Variants in GDPD3 observed in about 807,000 individuals in gnomAD.
GDPD3 encodes glycerophosphodiester phosphodiesterase domain containing 3.
GDPD3 carries 40 observed loss-of-function variants against 43.7 expected under a neutral mutation model. The ratio of observed to expected loss-of-function variants is 0.91; its 90% CI spans 0.71 to 1.19. The LOEUF (loss-of-function observed/expected upper bound fraction) is 1.19. GDPD3 is among the 50% of genes most tolerant of loss of function. GDPD3 has a pLI of 0.00. For missense variants in GDPD3, 363 were observed against 415.8 expected (o/e 0.87, Z 1.11); for synonymous variants, 145 against 162.9 (o/e 0.89, Z 0.84).
Position 30,111,412 on chromosome 16 carries a change from CAGA to C in GDPD3, c.680_682del (p.Phe227del), listed in dbSNP as rs776678992. On this transcript the variant is annotated inframe_deletion, in exon 7 of 10. Coordinates refer to ENST00000406256, the MANE Select transcript of GDPD3 (RefSeq NM_024307.3). ...CCTGTTGATGATGTTGGGCAGGAAG[CAGA>C]AGAAGAACTTCTCAGGGATTGGGAT... The C allele has an allele frequency of 3.2e-5, 51 of 1,613,800 alleles. No homozygotes were observed. The highest frequency in any genetic ancestry group is 3.3e-4 in the Middle Eastern group (2 of 6,082).
rs1177768987 is a variant in GDPD3 at position 30,111,535 on chromosome 16, G to A, written c.574-14C>T. 2 of 1,613,450 alleles carry A rather than the reference G, an allele frequency of 1.2e-6. No homozygotes were observed. The highest frequency in any genetic ancestry group is 1.7e-5 in the Admixed American group (1 of 59,942). ...CATCTCGGGGTTCTGGGGAGGCAAG[G>A]AGAGGCATGAGAATCTGTCTGCTCT... is the stretch of plus-strand genomic sequence containing the variant. On this transcript the variant is annotated splice_polypyrimidine_tract_variant and intron_variant, in intron 6 of 9. Transcript: ENST00000406256.
At chr16:30,106,040 G>A (rs2072858711) in intron 9 of GDPD3, among the ~76,000 whole-genome samples, 3 of 151,976 alleles carry the variant, frequency 2.0e-5, no homozygotes, top group Admixed American at 6.5e-5. Context: ...GAACCCAGGA[G>A]GTGGAGGTTG....
At chr16:30,110,605 C>G (rs1412350513) in intron 7 of GDPD3, 1 of 149,208 alleles carries the variant, frequency 6.7e-6, no homozygotes, top group Admixed American at 6.7e-5. Flanking sequence ...GGCCCAGGGG[C>G]TCAGGTATGT....
intron 9 of GDPD3, 83 bp from the exon 10 acceptor site, chr16:30,105,092 C>T: frequency 8.6e-7 from 1 of 1,163,516 alleles, no homozygotes; most frequent in Non-Finnish European, 1.2e-6. Flanking sequence ...TCTATGGAGA[C>T]TCCCCAGCAG....
chr16:30,108,476 T>G (rs772592660), intron 7 of GDPD3, 44 bp from the exon 8 acceptor site: 1 of 1,589,702 alleles, frequency 6.3e-7, no homozygotes, highest in Non-Finnish European at 8.6e-7. Flanking sequence ...GGGTCTCCCC[T>G]GTCCCAGAGG....
In GDPD3 at chr16:30,112,778, G is replaced by T; in HGVS notation, c.198C>A (p.Arg66=). 1 of 1,609,544 alleles carries T rather than the reference G, an allele frequency of 6.2e-7. No individual in the cohort carries two copies. The change falls in exon 3 of 10, where the codon CGC becomes CGA. Residue 66 remains arginine, a synonymous_variant. Coordinates refer to ENST00000406256, the MANE Select transcript of GDPD3 (RefSeq NM_024307.3). The surrounding 1 kb of genome is among the most constrained non-coding windows in gnomAD (Gnocchi z 5.4). ...MEAMENSMAQ[R]SDLLELDCQL... is the part of the protein sequence containing the mutation. ...GACAGTCGAGCTCCAGGAGGTCCGA[G>T]CGCTGGGCCATGGAGCTGTGGGGGT... is the stretch of plus-strand genomic sequence containing the variant.
chr16:30,109,901 G>A (rs759419581), intron 7 of GDPD3, among the ~76,000 whole-genome samples: 2 of 152,136 alleles, frequency 1.3e-5, no homozygotes, highest in Non-Finnish European at 2.9e-5. Flanking sequence ...TTAGTGGGAC[G>A]ACCCCTAATT....
intron 9 of GDPD3, 149 bp from the exon 10 acceptor site, chr16:30,105,158 A>ACC: frequency 1.5e-6 from 1 of 664,628 alleles, no homozygotes; most frequent in Non-Finnish European, 2.5e-6. Flanking sequence ...TGGTTATTAA[A>ACC]CCCAGCCATT....
chr16:30,105,026 G>A lies in GDPD3; in HGVS notation c.820-17C>T, dbSNP rs777187563. On this transcript the variant is annotated splice_polypyrimidine_tract_variant and intron_variant, in intron 9 of 9. Coordinates refer to ENST00000406256, the MANE Select transcript of GDPD3 (RefSeq NM_024307.3). ...AAAGACCACCTGAGCAGGGAGGGAG[G>A]GGGCCTGTAGATTCTGAACAATTTT... 5 of 1,585,488 alleles carry A rather than the reference G, an allele frequency of 3.2e-6. No homozygotes were observed. The South Asian group carries it at 5.7e-5, about 18-fold the overall frequency.
intron 9 of GDPD3, 133 bp downstream of exon 9, chr16:30,108,080 A>G: frequency 1.5e-6 from 1 of 666,374 alleles, no homozygotes; most frequent in East Asian, 2.8e-5. Context: ...TAAATATACC[A>G]TTTTCCCATT....
rs377072266 is a variant in GDPD3 at position 30,108,345 on chromosome 16, C to T, written c.767+28G>A. The stretch of plus-strand genomic sequence containing the variant: ...GCAGCAGTAGGTCTCTATGGGGACA[C>T]GCCACCCAGCCATCTTGCCCACCTC... On this transcript the variant is annotated intron_variant, in intron 8 of 9. Coordinates refer to ENST00000406256, the MANE Select transcript of GDPD3 (RefSeq NM_024307.3). The T allele has an allele frequency of 8.2e-5, 132 of 1,613,392 alleles. 2 individuals are homozygous for T. In the Middle Eastern group the frequency reaches 1.5e-3, roughly 18 times the overall value.
Position 30,113,458 on chromosome 16 carries a change from A to G in GDPD3, c.21T>C (p.Tyr7=). 6.2e-7 allele frequency: 1 copy of G among 1,600,240 alleles called. No individual in the cohort carries two copies. Among genetic ancestry groups the G allele is most frequent in the Non-Finnish European group, 8.5e-7 (1 of 1,172,350 alleles). Residue 7 remains tyrosine (Y), a synonymous_variant, in exon 1 of 10, where the codon TAT becomes TAC. Transcript: ENST00000406256. The surrounding 1 kb of genome is among the most constrained non-coding windows in gnomAD (Gnocchi z 5.9). ...CATAGCTGCCCAGGGCAGGGAGGGC[A>G]TAGTACAGCAAAAGGCTCATGACCG... is the stretch of plus-strand genomic sequence containing the variant. MSLLLY[Y]ALPALGSYAM...
intron 9 of GDPD3, among the ~76,000 whole-genome samples, chr16:30,107,276 T>G (rs2072867280): frequency 6.6e-6 from 1 of 151,620 alleles, no homozygotes; most frequent in Non-Finnish European, 1.5e-5. Context: ...TTGGCTAATT[T>G]TTAAATTTTT....
chr16:30,110,254 C>A (rs947822566), intron 7 of GDPD3, among the ~76,000 whole-genome samples: 11 of 151,506 alleles, frequency 7.3e-5, no homozygotes, highest in Non-Finnish European at 1.6e-4. Flanking sequence ...TACGGTGAAA[C>A]CCCATCTCTA....
chr16:30,109,038 GC>G (rs1334365176), intron 7 of GDPD3, among the ~76,000 whole-genome samples: 1 of 152,052 alleles, frequency 6.6e-6, no homozygotes, highest in African/African-American at 2.4e-5. Flanking sequence ...CACCCTGTTA[GC>G]CAGGATGGTC....
rs1303205887 is a variant in GDPD3, at chr16:30,112,682, CCT to C, written c.292_293del (p.Arg98GlyfsTer63). ...ENLCRQSGLNRDVGSLDFEDL... is the reference protein window; with the variant it reads ...ENLCRQSGLNXDVGSLDFEDL... ...CCTCGAAGTCCAGGCTGCCCACATC[CCT>C]GTTTAGGCCCGACTGGCGGCACAGG... On this transcript the variant is annotated frameshift_variant, in exon 3 of 10. Transcript: ENST00000406256. LOFTEE classifies it high-confidence loss of function. This position sits in a 1 kb window ranked among gnomAD's most constrained non-coding sequence, Gnocchi z 5.4. 1.2e-6 allele frequency: 2 copies of C among 1,613,938 alleles called. No homozygotes were observed. The highest frequency in any genetic ancestry group is 2.2e-5 in the East Asian group (1 of 44,892).
In GDPD3 at chr16:30,112,261, CT is replaced by C; in HGVS notation, c.484-41del. ...AGGAGGTGAAGGGAGAGCCAGGCCTCTCTCACGCCCCCGGTGGCCGCCCTAG... is the reference window on the plus strand; with the variant it reads ...AGGAGGTGAAGGGAGAGCCAGGCCTCCTCACGCCCCCGGTGGCCGCCCTAG... On this transcript the variant is annotated intron_variant, in intron 5 of 9. Transcript: ENST00000406256. The surrounding 1 kb of genome is among the most constrained non-coding windows in gnomAD (Gnocchi z 5.4). 4 of 1,613,102 alleles carry C rather than the reference CT, an allele frequency of 2.5e-6. No homozygotes were observed. The highest frequency in any genetic ancestry group is 3.4e-6 in the Non-Finnish European group (4 of 1,179,138).
At position 30,112,144 on chromosome 16, in the gene GDPD3, T is replaced by C. The variant is rs202154000; in HGVS notation, c.561A>G (p.Lys187=). ...TGGGGGGACTCACGGCAGCCTTGCA[T>C]TTCTTCATGACCGAGCTCTTCTCCG... ...WASEKSSVMK[K]CKAANPEMPL... is the part of the protein sequence containing the mutation. Residue 187 remains lysine (K), a synonymous_variant, in exon 6 of 10, where the codon AAA becomes AAG. Coordinates refer to ENST00000406256, the MANE Select transcript of GDPD3 (RefSeq NM_024307.3). The surrounding 1 kb of genome is among the most constrained non-coding windows in gnomAD (Gnocchi z 5.4). The C allele has an allele frequency of 1.9e-6, 3 of 1,613,764 alleles. No homozygotes were observed. In the East Asian group the frequency reaches 6.7e-5, roughly 36 times the overall value.
Position 30,112,562 on chromosome 16 carries a change from G to T in GDPD3, c.325C>A (p.Pro109Thr). The T allele has an allele frequency of 6.2e-7, 1 of 1,614,138 alleles. No homozygotes were observed. The highest frequency in any genetic ancestry group is 8.5e-7 in the Non-Finnish European group (1 of 1,180,024). ...ACCTCCAGCTTCTCCTTGTAGAGGG[G>T]CAGGTCCTGGGGAGGACAGGAAGGA... ...DVGSLDFEDLPLYKEKLEVYF... is the reference protein window; with the variant it reads ...DVGSLDFEDLTLYKEKLEVYF... The change falls in exon 4 of 10, where the codon CCC (proline) becomes ACC (threonine). Residue 109 changes from proline to threonine, a missense_variant. Transcript: ENST00000406256. The surrounding 1 kb of genome is among the most constrained non-coding windows in gnomAD (Gnocchi z 5.4).
Sources: allele counts gnomAD v4.1 joint callset (sites outside exome capture counted in the v4.1 genomes callset), GRCh38; gene constraint gnomAD v4.1.1; non-coding constraint Gnocchi (gnomAD v3.1); transcripts MANE v1.5; gene names NCBI Gene and HGNC (gene_info 2026-07-23, HGNC 2026-07-21).